Variants in ADAM10 observed in about 807,000 individuals in gnomAD.
The protein encoded by ADAM10 is ADAM metallopeptidase domain 10.
In ADAM10, 17 loss-of-function variants were observed where a neutral mutation model predicts 90.1. The ratio of observed to expected loss-of-function variants is 0.19; its 90% CI spans 0.13 to 0.28. ADAM10 has a LOEUF of 0.28. ADAM10 is among the 10% of genes least tolerant of loss of function. The pLI is 1.00. For missense variants in ADAM10, 610 were observed against 914.3 expected (o/e 0.67, Z 4.29); for synonymous variants, 310 against 298.6 (o/e 1.04, Z -0.40).
intron 9 of ADAM10, among the ~76,000 whole-genome samples, chr15:58,628,471 T>C (rs1375147892): frequency 6.6e-6 from 1 of 152,178 alleles, no homozygotes; most frequent in African/African-American, 2.4e-5. Context: ...ACCAAAATAC[T>C]GCTTTGCCAA....
At chr15:58,649,036 C>T (rs530869242) in intron 5 of ADAM10, among the ~76,000 whole-genome samples, 30 of 152,072 alleles carry the variant, frequency 2.0e-4, no homozygotes, top group African/African-American at 6.5e-4. Context: ...ATCTTTTAAT[C>T]GGTGCATTTA....
intron 5 of ADAM10, among the ~76,000 whole-genome samples, chr15:58,653,085 G>C (rs1226376824): frequency 1.3e-5 from 2 of 152,128 alleles, no homozygotes; most frequent in Non-Finnish European, 2.9e-5. Context: ...CAACTTTACT[G>C]TATTTGTTTA....
intron 2 of ADAM10, among the ~76,000 whole-genome samples, chr15:58,703,662 C>T (rs577885922): frequency 5.3e-5 from 8 of 152,300 alleles, no homozygotes; most frequent in Admixed American, 5.2e-4. Context: ...CCACCCAAAT[C>T]TCATGTTGAA....
Position 58,597,326 on chromosome 15 carries a change from A to T in ADAM10, c.*221T>A. ...CATTAAGTTAAAAATATCTGTTCAT[A>T]AGAAAATTGGGTTCCTTTTCCACCT... On this transcript the variant is annotated 3_prime_UTR_variant, in exon 16 of 16. Coordinates refer to ENST00000260408, the MANE Select transcript of ADAM10 (RefSeq NM_001110.4). 1.4e-6 allele frequency: 2 copies of T among 1,478,902 alleles called. No individual in the cohort carries two copies. Among genetic ancestry groups the T allele is most frequent in the Non-Finnish European group, 1.8e-6 (2 of 1,098,216 alleles). The allele number at this position is 1,478,902 out of a possible 1,614,324, so 91.6% of individuals were successfully genotyped here.
At chr15:58,627,561 C>A (rs777456055) in intron 10 of ADAM10, 139 bp downstream of exon 10, 1 of 712,424 alleles carries the variant, frequency 1.4e-6, no homozygotes, top group South Asian at 1.8e-5. Context: ...TAAGAAATAA[C>A]GAGATAAAGG....
intron 11 of ADAM10, among the ~76,000 whole-genome samples, chr15:58,617,173 G>GA (rs1895639894): frequency 6.6e-6 from 1 of 151,780 alleles, no homozygotes; most frequent in Non-Finnish European, 1.5e-5. Context: ...TGGTTTCTTG[G>GA]AAAGATAAAA....
At chr15:58,613,653 TA>T (rs1222454450) in intron 11 of ADAM10, among the ~76,000 whole-genome samples, 1 of 150,992 alleles carries the variant, frequency 6.6e-6, no homozygotes, top group African/African-American at 2.4e-5. Context: ...GTGAATAAAA[TA>T]AAAATATATA....
chr15:58,654,271 C>T (rs1352583345), intron 5 of ADAM10, among the ~76,000 whole-genome samples: 2 of 152,084 alleles, frequency 1.3e-5, no homozygotes, highest in Admixed American at 1.3e-4. Flanking sequence ...TTGCAAAATG[C>T]ATTGTTAGTG....
At chr15:58,699,321 A>G (rs1898066117) in intron 2 of ADAM10, among the ~76,000 whole-genome samples, 1 of 152,216 alleles carries the variant, frequency 6.6e-6, no homozygotes, top group Admixed American at 6.5e-5. Flanking sequence ...AAGCAAAAAG[A>G]TGATGATCAC....
intron 1 of ADAM10, among the ~76,000 whole-genome samples, chr15:58,721,056 TTC>T (rs1322403534): frequency 1.3e-5 from 2 of 152,252 alleles, no homozygotes; most frequent in African/African-American, 4.8e-5. Flanking sequence ...AGATAAAGTA[TTC>T]TGTCACTTTT....
At chr15:58,623,104 G>C (rs1895835588) in intron 10 of ADAM10, among the ~76,000 whole-genome samples, 4 of 152,110 alleles carry the variant, frequency 2.6e-5, no homozygotes, top group Admixed American at 2.6e-4. Flanking sequence ...TCTCAACACA[G>C]GAAACCCACA....
intron 5 of ADAM10, among the ~76,000 whole-genome samples, chr15:58,660,080 T>C (rs1378415191): frequency 1.3e-5 from 2 of 152,254 alleles, no homozygotes; most frequent in Non-Finnish European, 2.9e-5. Context: ...GGATAAACTC[T>C]GAGAATATGG....
At chr15:58,664,193 T>C (rs1440507578) in intron 5 of ADAM10, among the ~76,000 whole-genome samples, 1 of 152,074 alleles carries the variant, frequency 6.6e-6, no homozygotes, top group Non-Finnish European at 1.5e-5. Context: ...GATTATTGCC[T>C]TCAAATACTT....
intron 2 of ADAM10, chr15:58,703,899 C>T (rs74721687): frequency 0.05 from 7,622 of 153,114 alleles, 657 homozygotes; most frequent in African/African-American, 0.17. Flanking sequence ...TATAAATTAC[C>T]CAGTCTCAGG....
At chr15:58,742,490 G>A (rs1211324387) in intron 1 of ADAM10, among the ~76,000 whole-genome samples, 24 of 152,180 alleles carry the variant, frequency 1.6e-4, no homozygotes. Flanking sequence ...ATGAGTCAAG[G>A]AGCATCTGTA....
chr15:58,680,921 A>G (rs1332048084), intron 3 of ADAM10, among the ~76,000 whole-genome samples: 1 of 152,084 alleles, frequency 6.6e-6, no homozygotes, highest in Non-Finnish European at 1.5e-5. Context: ...TGGGCTCAGC[A>G]ATCCTCCCAC....
In ADAM10 at chr15:58,594,979, A is replaced by C. The variant is rs1894912418; in HGVS notation, c.*2568T>G. The C allele has an allele frequency of 6.6e-6, 1 of 152,200 alleles. No homozygotes were observed. The highest frequency in any genetic ancestry group is 6.5e-5 in the Admixed American group (1 of 15,282). 9.4% of individuals were successfully genotyped at this position (152,200 alleles called of 1,614,324 possible). A position where few individuals can be genotyped will look rare whatever the true frequency, so the allele number is the denominator to read the frequency against. On this transcript the variant is annotated 3_prime_UTR_variant, in exon 16 of 16. Transcript: ENST00000260408. The stretch of plus-strand genomic sequence containing the variant: ...ACAATTCCTTTTCTAGGTAACACTG[A>C]AATGTCAATTCTCTCCTTATTTGCT...
At chr15:58,704,502 T>C (rs1482001739) in intron 2 of ADAM10, among the ~76,000 whole-genome samples, 1 of 152,156 alleles carries the variant, frequency 6.6e-6, no homozygotes, top group Non-Finnish European at 1.5e-5. Flanking sequence ...AGGGCAAAAA[T>C]CTTGCTCTTT....
At chr15:58,641,325 C>T (rs1257492625) in intron 7 of ADAM10, among the ~76,000 whole-genome samples, 1 of 152,124 alleles carries the variant, frequency 6.6e-6, no homozygotes, top group African/African-American at 2.4e-5. Context: ...AACAAGTCTC[C>T]TTTAGTCCTA....
Sources: gnomAD v4.1 joint callset for allele counts (sites outside exome capture counted in the v4.1 genomes callset) on GRCh38, gnomAD v4.1.1 for gene constraint, MANE v1.5 for transcripts, NCBI Gene and HGNC (gene_info 2026-07-23, HGNC 2026-07-21) for gene names.